CORIN: variants seen among roughly 807,000 people sequenced by gnomAD.
CORIN encodes atrial natriuretic peptide-converting enzyme.
CORIN carries 117 observed loss-of-function variants against 125.3 expected under a neutral mutation model. That is an observed-to-expected ratio of 0.93 (90% confidence interval 0.80 to 1.09). The LOEUF (loss-of-function observed/expected upper bound fraction) is 1.09. Ranked by LOEUF, CORIN falls within the 50% of genes least tolerant of loss-of-function variation. CORIN has a pLI of 0.00. For missense variants in CORIN, 1,253 were observed against 1,306.7 expected, an observed-to-expected ratio of 0.96 and a Z score of 0.63; for synonymous variants, 450 against 466.4, an observed-to-expected ratio of 0.96 and a Z score of 0.45.
At chr4:47,814,487 G>A (rs550723740) in intron 1 of CORIN, among the ~76,000 whole-genome samples, 89 of 152,238 alleles carry the variant, frequency 5.8e-4, no homozygotes, top group African/African-American at 2.1e-3. Context: ...AGTGCTAGAT[G>A]CTTCCCACTC....
intron 16 of CORIN, among the ~76,000 whole-genome samples, chr4:47,637,035 T>G (rs1577766785): frequency 6.6e-6 from 1 of 152,174 alleles, no homozygotes; most frequent in African/African-American, 2.4e-5. Context: ...ATAAAGTCCA[T>G]GCTGAGGTGG....
chr4:47,697,864 T>C (rs1305376785), intron 5 of CORIN, among the ~76,000 whole-genome samples: 3 of 152,218 alleles, frequency 2.0e-5, no homozygotes, highest in Non-Finnish European at 4.4e-5. Flanking sequence ...AAGTACAGTA[T>C]TTCCATTTTT....
chr4:47,785,352 G>A (rs1021084351), intron 3 of CORIN, among the ~76,000 whole-genome samples: 2 of 152,106 alleles, frequency 1.3e-5, no homozygotes, highest in Non-Finnish European at 2.9e-5. Flanking sequence ...AAAAGGTAGA[G>A]TCACATTCCA....
At chr4:47,663,189 T>C (rs1023032151) in intron 11 of CORIN, among the ~76,000 whole-genome samples, 4 of 152,136 alleles carry the variant, frequency 2.6e-5, no homozygotes, top group African/African-American at 9.7e-5. Flanking sequence ...CTTATCATAG[T>C]CCTTGTAGTG....
At chr4:47,662,145 A>T (rs1298790514) in intron 11 of CORIN, among the ~76,000 whole-genome samples, 3 of 152,170 alleles carry the variant, frequency 2.0e-5, no homozygotes, top group African/African-American at 4.8e-5. Flanking sequence ...TGCCTTTCTC[A>T]TTCTGTCTTC....
chr4:47,697,859 C>T (rs1290994911), intron 5 of CORIN, among the ~76,000 whole-genome samples: 2 of 152,000 alleles, frequency 1.3e-5, no homozygotes, highest in East Asian at 1.9e-4. Context: ...ATTAGAAGTA[C>T]AGTATTTCCA....
intron 4 of CORIN, among the ~76,000 whole-genome samples, chr4:47,752,116 G>A (rs1222486951): frequency 2.0e-5 from 3 of 152,084 alleles, no homozygotes; most frequent in Non-Finnish European, 2.9e-5. Flanking sequence ...TCAAATGTAA[G>A]CTTCGCAGTG....
intron 5 of CORIN, among the ~76,000 whole-genome samples, chr4:47,717,782 G>GA (rs1281246288): frequency 6.6e-6 from 1 of 151,976 alleles, no homozygotes; most frequent in African/African-American, 2.4e-5. Flanking sequence ...TTTAAAGACC[G>GA]AAAAAAAGAG....
chr4:47,660,478 C>T (rs1316474552), intron 12 of CORIN, among the ~76,000 whole-genome samples: 3 of 151,990 alleles, frequency 2.0e-5, no homozygotes, highest in Non-Finnish European at 2.9e-5. Flanking sequence ...CAACTCTATA[C>T]AAAAATAACT....
Position 47,600,366 on chromosome 4 carries a change from A to C in CORIN, c.2813-19T>G, listed in dbSNP as rs746815624. The C allele has an allele frequency of 1.3e-6, 2 of 1,588,000 alleles. No homozygotes were observed. The highest frequency in any genetic ancestry group is 1.7e-6 in the Non-Finnish European group (2 of 1,163,578). On this transcript the variant is annotated intron_variant, in intron 20 of 21. Transcript: ENST00000273857. Reference sequence around the variant, plus strand: ...AATGGCACTGAATTTTTAAAAAATAAGAATATATATATGATGATAAAATGA... The same window carrying C: ...AATGGCACTGAATTTTTAAAAAATACGAATATATATATGATGATAAAATGA...
intron 10 of CORIN, among the ~76,000 whole-genome samples, chr4:47,672,754 T>C (rs543692367): frequency 1.3e-5 from 2 of 152,202 alleles, no homozygotes; most frequent in African/African-American, 2.4e-5. Context: ...TGTGTTGACT[T>C]TGTGGCTTGA....
chr4:47,661,799 T>A lies in CORIN; in HGVS notation c.1647A>T (p.Leu549=), dbSNP rs2109664649. 6.2e-7 allele frequency: 1 copy of A among 1,613,728 alleles called. No individual in the cohort carries two copies. The highest frequency in any genetic ancestry group is 1.1e-5 in the South Asian group (1 of 90,992). Residue 549 remains leucine, a synonymous_variant, in exon 12 of 22, where the codon CTA becomes CTT. Transcript: ENST00000273857. The stretch of plus-strand genomic sequence containing the variant: ...TGCAATCTGTGTCTTCAGGCCACTG[T>A]AGGCCCACAATCCCAAGAACAGACT... ...RCESVLGIVG[L]QWPEDTDCSQ...
intron 3 of CORIN, among the ~76,000 whole-genome samples, chr4:47,784,727 C>T (rs1267500861): frequency 1.3e-5 from 2 of 152,150 alleles, no homozygotes; most frequent in Non-Finnish European, 2.9e-5. Context: ...TAATGAAGTG[C>T]TTAAGACATG....
rs115210251 is a variant in CORIN at position 47,743,125 on chromosome 4, A to G, written c.799+1277T>C. On this transcript the variant is annotated intron_variant, in intron 5 of 21. Transcript: ENST00000273857. The stretch of plus-strand genomic sequence containing the variant: ...AGATGTAAAACTGAATGTCAAAACA[A>G]TAAAGATTCTAGAAGAAACATAGGA... Among the ~76,000 whole-genome samples, 908 of 152,286 alleles carry G rather than the reference A, an allele frequency of 6.0e-3. 8 individuals carry two copies. Among genetic ancestry groups the G allele is most frequent in the African/African-American group, 0.02 (848 of 41,582 alleles).
In CORIN at chr4:47,674,449, A is replaced by T; in HGVS notation, c.1301T>A (p.Leu434His). Residue 434 changes from leucine (L) to histidine (H), a missense_variant, in exon 10 of 22, where the codon CTT (leucine) becomes CAT (histidine). Transcript: ENST00000273857. ...GAGAGAGCTACCACCACATGAATCA[A>T]GGCAGGGATTGTAGAGGCATCTTTG... ...GDQRCLYNPCLDSCGGSSLCD... is the reference protein window; with the variant it reads ...GDQRCLYNPCHDSCGGSSLCD... 6.2e-7 allele frequency: 1 copy of T among 1,614,092 alleles called. No homozygotes were observed.
Position 47,661,512 on chromosome 4 carries a change from T to A in CORIN, c.1735+199A>T, listed in dbSNP as rs1577796173. The A allele has an allele frequency of 9.7e-6, 5 of 513,042 alleles. No individual in the cohort carries two copies. In the East Asian group the frequency reaches 1.5e-4, roughly 15 times the overall value. The allele number at this position is 513,042 out of a possible 1,614,324, so 31.8% of individuals were successfully genotyped here. ...AAATAGAAAATGACTTCTTTATTTT[T>A]AAAATGAATGCAATATCTAACAGAT... On this transcript the variant is annotated intron_variant, in intron 12 of 21. Coordinates refer to ENST00000273857, the MANE Select transcript of CORIN (RefSeq NM_006587.4).
At chr4:47,722,122 C>T (rs535928970) in intron 5 of CORIN, among the ~76,000 whole-genome samples, 4 of 152,320 alleles carry the variant, frequency 2.6e-5, no homozygotes, top group East Asian at 1.9e-4. Flanking sequence ...CCATCACTCA[C>T]GTTCCATTTT....
chr4:47,735,942 TA>T (rs749270493), intron 5 of CORIN, among the ~76,000 whole-genome samples: 1,836 of 96,370 alleles, frequency 0.019, 16 homozygotes, highest in Non-Finnish European at 0.026. Context: ...GACTCCATCT[TA>T]AAAAAAAAAA....
intron 5 of CORIN, among the ~76,000 whole-genome samples, chr4:47,720,697 G>A (rs1226349594): frequency 6.6e-6 from 1 of 152,150 alleles, no homozygotes; most frequent in East Asian, 1.9e-4. Flanking sequence ...TTTAATTTAT[G>A]CTATTAAGTG....
Sources: allele counts gnomAD v4.1 joint callset (sites outside exome capture counted in the v4.1 genomes callset), GRCh38; gene constraint gnomAD v4.1.1; transcripts MANE v1.5; gene names NCBI Gene and HGNC (gene_info 2026-07-23, HGNC 2026-07-21).